KALRN: variants seen among roughly 807,000 people sequenced by gnomAD.
KALRN encodes kalirin RhoGEF kinase, also known as kalirin.
A neutral mutation model predicts 353.7 loss-of-function variants in KALRN; 70 were observed. The observed-to-expected ratio is 0.20, with a 90% CI of 0.16 to 0.24. KALRN has a LOEUF of 0.24. KALRN is among the 10% of genes least tolerant of loss of function. The pLI, the probability that KALRN is intolerant of heterozygous loss-of-function variation, is 1.00. For missense variants in KALRN, 2,791 were observed against 3,756.7 expected, an observed-to-expected ratio of 0.74 and a Z score of 6.72; for synonymous variants, 1,391 against 1,434.8, an observed-to-expected ratio of 0.97 and a Z score of 0.69.
rs752350346 is a variant in KALRN, at chr3:124,329,857, C to T, written c.1285-4C>T. The T allele has an allele frequency of 1.2e-6, 2 of 1,612,754 alleles. No homozygotes were observed. Among genetic ancestry groups the T allele is most frequent in the East Asian group, 2.2e-5 (1 of 44,852 alleles). ...CCACTGATCCACCCTGCATCTCCTTCCAGTTCCTGTCGGGAGTGGATGCCT... is the reference window on the plus strand; with the variant it reads ...CCACTGATCCACCCTGCATCTCCTTTCAGTTCCTGTCGGGAGTGGATGCCT... On this transcript the variant is annotated splice_region_variant and splice_polypyrimidine_tract_variant and intron_variant, in intron 7 of 59. Coordinates refer to ENST00000682506, the MANE Select transcript of KALRN (RefSeq NM_001388419.1).
At chr3:124,668,094 A>ACACACACACACACAC (rs2085894833) in intron 47 of KALRN, among the ~76,000 whole-genome samples, 1 of 131,472 alleles carries the variant, frequency 7.6e-6, no homozygotes, top group African/African-American at 2.9e-5. Flanking sequence ...ACACACACAC[A>ACACACACACACACAC]ACCACCTTTG....
chr3:124,323,357 G>A (rs1007646464), intron 6 of KALRN, among the ~76,000 whole-genome samples: 16 of 152,096 alleles, frequency 1.1e-4, no homozygotes, highest in African/African-American at 2.7e-4. Flanking sequence ...TTAAATTACC[G>A]TTATTTGAGG....
At chr3:124,136,375 G>T (rs570544868) in intron 1 of KALRN, among the ~76,000 whole-genome samples, 1 of 152,312 alleles carries the variant, frequency 6.6e-6, no homozygotes, top group South Asian at 2.1e-4. Context: ...CAAGTTCCCA[G>T]GTGATGCTGA....
chr3:124,099,832 A>T (rs2061718054), intron 1 of KALRN, among the ~76,000 whole-genome samples: 1 of 152,220 alleles, frequency 6.6e-6, no homozygotes, highest in African/African-American at 2.4e-5. Flanking sequence ...GCATTAAAAA[A>T]ATATACCTGT....
chr3:124,387,577 A>G (rs973851401), intron 11 of KALRN, among the ~76,000 whole-genome samples: 2 of 152,176 alleles, frequency 1.3e-5, no homozygotes, highest in African/African-American at 4.8e-5. Context: ...CTCCTTTGCC[A>G]CAAAGACTTT....
At chr3:124,294,532 T>G (rs981181976) in intron 5 of KALRN, among the ~76,000 whole-genome samples, 1 of 126,706 alleles carries the variant, frequency 7.9e-6, no homozygotes, top group Non-Finnish European at 1.7e-5. Flanking sequence ...TTTTTTTTTT[T>G]TTTTTTTTTT....
intron 1 of KALRN, among the ~76,000 whole-genome samples, chr3:124,224,849 G>C (rs760420919): frequency 2.4e-4 from 37 of 152,220 alleles, no homozygotes; most frequent in Non-Finnish European, 5.3e-4. Flanking sequence ...GAAAGTCTCA[G>C]AGTATTAGAG....
intron 1 of KALRN, among the ~76,000 whole-genome samples, chr3:124,197,483 T>C (rs1044663840): frequency 2.4e-4 from 37 of 152,364 alleles, no homozygotes; most frequent in African/African-American, 8.4e-4. Context: ...TCCCAGATTC[T>C]ACCAAACCAC....
At chr3:124,667,208 C>A (rs767145615) in intron 47 of KALRN, 25 bp downstream of exon 47, 1 of 1,603,778 alleles carries the variant, frequency 6.2e-7, no homozygotes, top group Non-Finnish European at 8.5e-7. Context: ...TGGTTCCTTG[C>A]AGGGCTGTGT....
intron 33 of KALRN, chr3:124,519,189 G>A: frequency 1.0e-6 from 1 of 983,372 alleles, no homozygotes; most frequent in African/African-American, 1.7e-5. Flanking sequence ...ATCCTGTTGA[G>A]GGTGGGTGGG....
intron 19 of KALRN, among the ~76,000 whole-genome samples, chr3:124,445,651 T>C (rs1163499274): frequency 6.6e-6 from 1 of 152,242 alleles, no homozygotes; most frequent in East Asian, 1.9e-4. Context: ...AAGTGCTGTG[T>C]GCACAACCTC....
At chr3:124,157,295 C>T (rs1293001535) in intron 1 of KALRN, among the ~76,000 whole-genome samples, 1 of 152,202 alleles carries the variant, frequency 6.6e-6, no homozygotes, top group Non-Finnish European at 1.5e-5. Context: ...AATCTCCAGA[C>T]CCTCAGTCTG....
intron 1 of KALRN, among the ~76,000 whole-genome samples, chr3:124,142,415 G>A (rs1396804696): frequency 6.6e-6 from 1 of 152,206 alleles, no homozygotes; most frequent in Non-Finnish European, 1.5e-5. Context: ...ACATGGAGAA[G>A]GTGCTTAATA....
At chr3:124,250,017 A>G (rs1043544732) in intron 3 of KALRN, among the ~76,000 whole-genome samples, 2 of 152,144 alleles carry the variant, frequency 1.3e-5, no homozygotes, top group Non-Finnish European at 2.9e-5. Flanking sequence ...CCTGCAGGAA[A>G]TAGAGCTCCT....
chr3:124,084,084 G>T (rs2060679989), intron 1 of KALRN, among the ~76,000 whole-genome samples: 1 of 152,196 alleles, frequency 6.6e-6, no homozygotes. Context: ...AAGGAAAATG[G>T]TTTAAAGATC....
chr3:124,259,971 A>C (rs11719623), intron 3 of KALRN, among the ~76,000 whole-genome samples: 39,015 of 152,034 alleles, frequency 0.26, 6,439 homozygotes, highest in Non-Finnish European at 0.37. Flanking sequence ...GTTGGAGGGT[A>C]ATCTGTCTGA....
chr3:124,443,397 G>C (rs1018764504), intron 19 of KALRN, among the ~76,000 whole-genome samples: 5 of 152,190 alleles, frequency 3.3e-5, no homozygotes, highest in African/African-American at 9.7e-5. Flanking sequence ...TGCGTGGTCT[G>C]CTTAAGAAGA....
At chr3:124,299,660 G>T (rs528662841) in intron 6 of KALRN, among the ~76,000 whole-genome samples, 1 of 152,278 alleles carries the variant, frequency 6.6e-6, no homozygotes, top group East Asian at 1.9e-4. Flanking sequence ...TACCATATAA[G>T]GTTGTTGTAA....
At chr3:124,087,996 C>A (rs1577931101) in intron 1 of KALRN, among the ~76,000 whole-genome samples, 1 of 152,094 alleles carries the variant, frequency 6.6e-6, no homozygotes, top group Non-Finnish European at 1.5e-5. Flanking sequence ...ATTTGTATAT[C>A]CTTCAAAAAA....
Sources: gnomAD v4.1 joint callset for allele counts (sites outside exome capture counted in the v4.1 genomes callset) on GRCh38, gnomAD v4.1.1 for gene constraint, MANE v1.5 for transcripts, NCBI Gene and HGNC (gene_info 2026-07-23, HGNC 2026-07-21) for gene names.